The following TPD52L1 variants were observed in gnomAD, a reference collection of about 807,000 sequenced individuals.
The protein encoded by TPD52L1 is tumor protein D53.
Under a neutral mutation model 28.7 loss-of-function variants are expected in TPD52L1, and 18 were observed. That is an observed-to-expected ratio of 0.63 (90% CI 0.43 to 0.93). The LOEUF is 0.93. Ranked by LOEUF, TPD52L1 falls within the 40% of genes least tolerant of loss-of-function variation. TPD52L1 has a pLI of 0.00. For synonymous variants in TPD52L1, 75 were observed against 88.8 expected, an observed-to-expected ratio of 0.84 and a Z score of 0.88; for missense variants, 203 against 254.8, an observed-to-expected ratio of 0.80 and a Z score of 1.39.
At chr6:125,228,315 C>T (rs1172144729) in intron 2 of TPD52L1, among the ~76,000 whole-genome samples, 1 of 152,178 alleles carries the variant, frequency 6.6e-6, no homozygotes, top group Non-Finnish European at 1.5e-5. Flanking sequence ...CGGGTAGATA[C>T]ATATGTTAAA....
chr6:125,163,632 A>G (rs1790674641), intron 1 of TPD52L1, among the ~76,000 whole-genome samples: 1 of 151,642 alleles, frequency 6.6e-6, no homozygotes, highest in Non-Finnish European at 1.5e-5. Flanking sequence ...ATGTTATTTA[A>G]TAAGTACAAC....
chr6:125,253,642 A>G (rs781310940), intron 4 of TPD52L1, 75 bp from the exon 5 acceptor site: 73 of 1,283,064 alleles, frequency 5.7e-5, no homozygotes, highest in Non-Finnish European at 7.9e-5. Context: ...AACTACGAAT[A>G]GGGAGTTTTT....
At chr6:125,247,111 G>A (rs1333093271) in intron 3 of TPD52L1, among the ~76,000 whole-genome samples, 1 of 152,000 alleles carries the variant, frequency 6.6e-6, no homozygotes, top group East Asian at 1.9e-4. Flanking sequence ...TGACTTGTGG[G>A]AGATGGAAGG....
At chr6:125,178,647 A>T (rs1403432427) in intron 1 of TPD52L1, among the ~76,000 whole-genome samples, 99 of 148,354 alleles carry the variant, frequency 6.7e-4, no homozygotes, top group African/African-American at 2.4e-3. Context: ...AAACAAAACA[A>T]AACAAAACAA....
In TPD52L1 at chr6:125,158,401, TTC is replaced by T. The variant is rs1249685257; in HGVS notation, c.19+4433_19+4434del. Reference sequence around the variant, plus strand: ...TTTATACTTACATTATAAGTATACATTCTACATTATACATTATACTTTACATT... The same window carrying T: ...TTTATACTTACATTATAAGTATACATTACATTATACATTATACTTTACATT... On this transcript the variant is annotated intron_variant, in intron 1 of 6. Transcript: ENST00000534000. 1.4e-4 allele frequency among the ~76,000 whole-genome samples: 6 copies of T among 43,246 alleles called. No individual in the cohort carries two copies. The African/African-American group carries it at 2.0e-3, about 14-fold the overall frequency. 28.4% of individuals were successfully genotyped at this position (43,246 alleles called of 152,430 possible). A position where few individuals can be genotyped will look rare whatever the true frequency, so the allele number is the denominator to read the frequency against.
intron 1 of TPD52L1, among the ~76,000 whole-genome samples, chr6:125,179,477 A>G (rs1726050451): frequency 6.6e-6 from 1 of 152,246 alleles, no homozygotes; most frequent in Non-Finnish European, 1.5e-5. Context: ...TGTCTAAACT[A>G]AGAACCACTC....
chr6:125,221,707 G>GA (rs1269719333), intron 2 of TPD52L1: 2 of 152,122 alleles, frequency 1.3e-5, no homozygotes, highest in Admixed American at 6.5e-5. Context: ...CCATGAATAT[G>GA]AAAAAATAGA....
At chr6:125,260,978 A>AAG (rs1428202262) in intron 6 of TPD52L1, 8 of 43,752 alleles carry the variant, frequency 1.8e-4, no homozygotes, top group African/African-American at 1.2e-3. Flanking sequence ...GAAAGAAAGA[A>AAG]AAGAAAAGAA....
intron 3 of TPD52L1, among the ~76,000 whole-genome samples, chr6:125,235,131 T>TAATAATAAA (rs1200773296): frequency 1.3e-5 from 2 of 149,908 alleles, no homozygotes; most frequent in Middle Eastern, 3.5e-3. Flanking sequence ...ATAATAATAA[T>TAATAATAAA]AAAACACCAA....
At chr6:125,164,081 CA>C (rs1322512064) in intron 1 of TPD52L1, among the ~76,000 whole-genome samples, 1 of 152,114 alleles carries the variant, frequency 6.6e-6, no homozygotes, top group African/African-American at 2.4e-5. Flanking sequence ...GATTTGAAAT[CA>C]GAAAGTTTGA....
intron 3 of TPD52L1, among the ~76,000 whole-genome samples, chr6:125,230,264 T>C (rs559675200): frequency 2.6e-5 from 4 of 152,294 alleles, no homozygotes; most frequent in Non-Finnish European, 5.9e-5. Context: ...GTATTTTACC[T>C]GCTGGGGGTC....
At chr6:125,241,766 G>C (rs1796625067) in intron 3 of TPD52L1, among the ~76,000 whole-genome samples, 1 of 151,182 alleles carries the variant, frequency 6.6e-6, no homozygotes. Flanking sequence ...TCTTTTTGAA[G>C]AATCAGCTTT....
chr6:125,199,880 C>T (rs1793694213), intron 1 of TPD52L1, among the ~76,000 whole-genome samples: 1 of 152,136 alleles, frequency 6.6e-6, no homozygotes, highest in East Asian at 1.9e-4. Flanking sequence ...CCTGTTAAAG[C>T]TTGACTTTCA....
At chr6:125,262,809 AT>A (rs1377263198) in intron 6 of TPD52L1, 24 bp from the exon 7 acceptor site, 1 of 1,587,832 alleles carries the variant, frequency 6.3e-7, no homozygotes, top group African/African-American at 1.4e-5. Flanking sequence ...AACTAACTGC[AT>A]TTTTGTGGAT....
At chr6:125,214,934 A>G (rs958759888) in intron 1 of TPD52L1, among the ~76,000 whole-genome samples, 1 of 152,186 alleles carries the variant, frequency 6.6e-6, no homozygotes, top group African/African-American at 2.4e-5. Flanking sequence ...AGTTAATAGC[A>G]AACCCACAAC....
intron 1 of TPD52L1, among the ~76,000 whole-genome samples, chr6:125,216,541 A>G (rs1282341412): frequency 1.4e-4 from 11 of 79,320 alleles, no homozygotes; most frequent in African/African-American, 2.2e-4. Flanking sequence ...ATATATATAT[A>G]TATATATATA....
chr6:125,200,458 A>C (rs1313697513), intron 1 of TPD52L1, among the ~76,000 whole-genome samples: 6 of 152,218 alleles, frequency 3.9e-5, no homozygotes, highest in Admixed American at 3.9e-4. Context: ...TTATCTGCAG[A>C]GCAAGTAAAT....
intron 3 of TPD52L1, among the ~76,000 whole-genome samples, chr6:125,240,957 T>C (rs1333522089): frequency 6.6e-6 from 1 of 152,126 alleles, no homozygotes; most frequent in East Asian, 1.9e-4. Flanking sequence ...AAGCTGGCTG[T>C]GGGTTTGTCA....
chr6:125,200,055 T>C (rs544307492), intron 1 of TPD52L1, among the ~76,000 whole-genome samples: 2 of 152,360 alleles, frequency 1.3e-5, no homozygotes, highest in South Asian at 4.1e-4. Context: ...GGAACATGCA[T>C]TTTCAAAGCC....
Sources: allele counts gnomAD v4.1 joint callset (sites outside exome capture counted in the v4.1 genomes callset), GRCh38; gene constraint gnomAD v4.1.1; transcripts MANE v1.5; gene names NCBI Gene and HGNC (gene_info 2026-07-23, HGNC 2026-07-21).